The following PRKCE variants were observed in gnomAD, a reference collection of about 807,000 sequenced individuals.
PRKCE encodes protein kinase C epsilon type.
PRKCE carries 16 observed loss-of-function variants against 85.4 expected under a neutral mutation model. That is an observed-to-expected ratio of 0.19 (90% CI 0.13 to 0.28). PRKCE has a LOEUF of 0.28. Ranked by LOEUF, PRKCE falls within the 10% of genes least tolerant of loss-of-function variation. PRKCE has a pLI of 1.00. For synonymous variants in PRKCE, 388 were observed against 371.5 expected, an observed-to-expected ratio of 1.04 and a Z score of -0.51; for missense variants, 573 against 975.2, an observed-to-expected ratio of 0.59 and a Z score of 5.49.
At chr2:45,699,181 C>A (rs1313878102) in intron 1 of PRKCE, among the ~76,000 whole-genome samples, 3 of 151,992 alleles carry the variant, frequency 2.0e-5, no homozygotes, top group African/African-American at 7.3e-5. Context: ...GTCTGCTGTT[C>A]GTCCTTAGCA....
chr2:46,057,569 G>C (rs1314027497), intron 10 of PRKCE, among the ~76,000 whole-genome samples: 2 of 151,824 alleles, frequency 1.3e-5, no homozygotes, highest in Admixed American at 6.6e-5. Context: ...CGAGTAGCTG[G>C]GATTACAGGC....
chr2:45,855,973 G>A (rs1219184113), intron 2 of PRKCE, among the ~76,000 whole-genome samples: 2 of 151,924 alleles, frequency 1.3e-5, no homozygotes, highest in African/African-American at 2.4e-5. Context: ...TGAAGTCTCC[G>A]TGTGCATTAA....
intron 6 of PRKCE, among the ~76,000 whole-genome samples, chr2:45,995,277 G>GT (rs1365902122): frequency 6.6e-6 from 1 of 151,918 alleles, no homozygotes; most frequent in Non-Finnish European, 1.5e-5. Context: ...GGTTTTGTTT[G>GT]TTTTTTGTTT....
intron 4 of PRKCE, 109 bp from the exon 5 acceptor site, chr2:45,980,187 C>A (rs1702771504): frequency 1.1e-6 from 1 of 943,808 alleles, no homozygotes; most frequent in Non-Finnish European, 1.6e-6. Context: ...GGCTCAGTGG[C>A]AGAAGGGGCC....
chr2:45,881,885 C>A (rs1388296976), intron 2 of PRKCE, among the ~76,000 whole-genome samples: 2 of 152,154 alleles, frequency 1.3e-5, no homozygotes, highest in Non-Finnish European at 2.9e-5. Flanking sequence ...ACTAGAAGCT[C>A]AGTGGTAGCT....
chr2:45,873,732 C>T (rs1366707869), intron 2 of PRKCE, among the ~76,000 whole-genome samples: 1 of 152,218 alleles, frequency 6.6e-6, no homozygotes, highest in Non-Finnish European at 1.5e-5. Context: ...CAGGAGACAG[C>T]TTGTCTCTTG....
At chr2:45,773,099 C>A (rs1310426233) in intron 1 of PRKCE, among the ~76,000 whole-genome samples, 1 of 152,132 alleles carries the variant, frequency 6.6e-6, no homozygotes, top group Non-Finnish European at 1.5e-5. Flanking sequence ...GCTGCATAGC[C>A]CCTCCGAGGG....
intron 1 of PRKCE, among the ~76,000 whole-genome samples, chr2:45,831,928 A>G (rs1690455843): frequency 1.3e-5 from 2 of 152,214 alleles, no homozygotes; most frequent in Non-Finnish European, 1.5e-5. Context: ...GACTAATTTG[A>G]TAAGCAAAAG....
chr2:45,964,746 A>C (rs1701620030), intron 2 of PRKCE, among the ~76,000 whole-genome samples: 1 of 152,196 alleles, frequency 6.6e-6, no homozygotes, highest in South Asian at 2.1e-4. Flanking sequence ...ATCAGAAACC[A>C]TGGGGCAGTG....
At chr2:46,100,925 G>A (rs1671155703) in intron 11 of PRKCE, among the ~76,000 whole-genome samples, 1 of 151,924 alleles carries the variant, frequency 6.6e-6, no homozygotes, top group Non-Finnish European at 1.5e-5. Context: ...CTGGAGTGTA[G>A]TAGCACGATC....
chr2:46,175,665 C>A (rs1192141325), intron 14 of PRKCE, among the ~76,000 whole-genome samples: 3 of 152,204 alleles, frequency 2.0e-5, no homozygotes, highest in African/African-American at 4.8e-5. Flanking sequence ...AGCCACTAAG[C>A]TACCTCTCAC....
intron 1 of PRKCE, among the ~76,000 whole-genome samples, chr2:45,825,856 C>A (rs1689901292): frequency 6.6e-6 from 1 of 152,080 alleles, no homozygotes; most frequent in Admixed American, 6.6e-5. Context: ...CCACTGCTTT[C>A]CAGCCTGGGC....
At chr2:45,875,938 A>C (rs1162750058) in intron 2 of PRKCE, among the ~76,000 whole-genome samples, 1 of 152,232 alleles carries the variant, frequency 6.6e-6, no homozygotes, top group Non-Finnish European at 1.5e-5. Context: ...TTAATAGTGC[A>C]GATGACGGGT....
chr2:45,867,517 C>T (rs975053426), intron 2 of PRKCE, among the ~76,000 whole-genome samples: 8 of 152,164 alleles, frequency 5.3e-5, no homozygotes, highest in African/African-American at 1.9e-4. Context: ...ACTGAAAGTC[C>T]ATGGGACTGC....
intron 11 of PRKCE, among the ~76,000 whole-genome samples, chr2:46,115,760 A>G (rs2104280421): frequency 6.6e-6 from 1 of 152,358 alleles, no homozygotes; most frequent in Admixed American, 6.5e-5. Flanking sequence ...AACCAGACAC[A>G]GGCTGCTTTC....
rs966821261 is a variant in PRKCE at position 46,087,166 on chromosome 2, T to G, written c.1592+804T>G. On this transcript the variant is annotated intron_variant, in intron 11 of 14. Coordinates refer to ENST00000306156, the MANE Select transcript of PRKCE (RefSeq NM_005400.3). ...TTTTATTCTATTCTATTCTTTTTTT[T>G]TTTTTAATTGGGTAGAGGAGTAGCT... 4.2e-4 allele frequency among the ~76,000 whole-genome samples: 64 copies of G among 152,134 alleles called. No homozygotes were observed. In the Middle Eastern group the frequency reaches 0.01, roughly 24 times the overall value.
chr2:46,086,381 C>G lies in PRKCE; in HGVS notation c.1592+19C>G. 10 of 1,590,508 alleles carry G rather than the reference C, an allele frequency of 6.3e-6. No homozygotes were observed. Among genetic ancestry groups the G allele is most frequent in the Non-Finnish European group, 8.5e-6 (10 of 1,174,288 alleles). ...TCTACAGGTAGCCTCTTCTCTCCTCCTCTTTCCTGAAAGTGAAGAAAATAA... is the reference window on the plus strand; with the variant it reads ...TCTACAGGTAGCCTCTTCTCTCCTCGTCTTTCCTGAAAGTGAAGAAAATAA... On this transcript the variant is annotated intron_variant, in intron 11 of 14. Transcript: ENST00000306156.
chr2:46,087,658 G>T (rs1435651107), intron 11 of PRKCE, among the ~76,000 whole-genome samples: 2 of 151,634 alleles, frequency 1.3e-5, no homozygotes, highest in Admixed American at 6.6e-5. Context: ...ACCACAAACG[G>T]AATGGTGTCA....
chr2:45,651,664 C>T (rs1675126790), upstream of PRKCE: 1 of 157,166 alleles, frequency 6.4e-6, no homozygotes, highest in Admixed American at 6.2e-5. Context: ...CCCCATCCCC[C>T]TCCCGGAGTC....
Sources: gnomAD v4.1 joint callset for allele counts (sites outside exome capture counted in the v4.1 genomes callset) on GRCh38, gnomAD v4.1.1 for gene constraint, MANE v1.5 for transcripts, NCBI Gene and HGNC (gene_info 2026-07-23, HGNC 2026-07-21) for gene names.